TAFA1: variants seen among roughly 807,000 people sequenced by gnomAD.
TAFA1 encodes the protein TAFA chemokine like family member 1.
Under a neutral mutation model 18.5 loss-of-function variants are expected in TAFA1, and 4 were observed. The ratio of observed to expected loss-of-function variants is 0.22; its 90% CI spans 0.11 to 0.49. The LOEUF is 0.49. Among genes scored for constraint, TAFA1 ranks in the 20% least tolerant of loss-of-function variants. The pLI is 0.98. For synonymous variants in TAFA1, 56 were observed against 55.2 expected, an observed-to-expected ratio of 1.01 and a Z score of -0.06; for missense variants, 147 against 169.0, an observed-to-expected ratio of 0.87 and a Z score of 0.72.
intron 2 of TAFA1, among the ~76,000 whole-genome samples, chr3:68,061,801 G>A (rs1419845359): frequency 2.0e-5 from 3 of 152,136 alleles, no homozygotes; most frequent in African/African-American, 7.2e-5. Context: ...TGAGGATGAG[G>A]TCATCTTTCT....
chr3:68,239,802 C>T (rs1193338201), intron 2 of TAFA1, among the ~76,000 whole-genome samples: 2 of 152,138 alleles, frequency 1.3e-5, no homozygotes, highest in South Asian at 2.1e-4. Context: ...TAGTCAGAAC[C>T]ATTTGCAGCC....
chr3:68,255,155 CACAA>C (rs2067273514), intron 2 of TAFA1, among the ~76,000 whole-genome samples: 1 of 152,058 alleles, frequency 6.6e-6, no homozygotes, highest in Non-Finnish European at 1.5e-5. Flanking sequence ...CATCTGCTGA[CACAA>C]ACAATTAGAT....
At chr3:68,084,816 A>G (rs2064951345) in intron 2 of TAFA1, among the ~76,000 whole-genome samples, 2 of 151,858 alleles carry the variant, frequency 1.3e-5, no homozygotes, top group Admixed American at 6.6e-5. Flanking sequence ...AAAAAAACCA[A>G]AAAAACCAAA....
At chr3:68,497,900 A>G (rs2072577017) in intron 3 of TAFA1, among the ~76,000 whole-genome samples, 1 of 152,130 alleles carries the variant, frequency 6.6e-6, no homozygotes, top group South Asian at 2.1e-4. Flanking sequence ...GATAGAGAAA[A>G]ATGCTCAGCA....
chr3:68,381,340 A>G (rs2069949448), intron 2 of TAFA1, among the ~76,000 whole-genome samples: 2 of 150,934 alleles, frequency 1.3e-5, no homozygotes, highest in South Asian at 2.1e-4. Context: ...GATGGCATTG[A>G]ATCTATAAAT....
At chr3:68,438,440 C>G (rs989551630) in intron 3 of TAFA1, among the ~76,000 whole-genome samples, 3 of 152,142 alleles carry the variant, frequency 2.0e-5, no homozygotes, top group Non-Finnish European at 4.4e-5. Flanking sequence ...GTTGGGCCCC[C>G]AAGGCCTTGG....
chr3:68,331,911 T>A (rs2068882719), intron 2 of TAFA1, among the ~76,000 whole-genome samples: 1 of 128,376 alleles, frequency 7.8e-6, no homozygotes. Flanking sequence ...TCGCCCAGGC[T>A]GGAGTGCAGT....
intron 3 of TAFA1, among the ~76,000 whole-genome samples, chr3:68,438,014 A>G (rs2071295663): frequency 6.6e-6 from 1 of 152,116 alleles, no homozygotes; most frequent in Non-Finnish European, 1.5e-5. Context: ...AGAAGAAAGG[A>G]GTAACAGGCC....
intron 2 of TAFA1, among the ~76,000 whole-genome samples, chr3:68,406,645 C>A (rs1404205986): frequency 1.3e-5 from 2 of 152,156 alleles, no homozygotes; most frequent in Non-Finnish European, 2.9e-5. Flanking sequence ...CTACATCAAG[C>A]AAGCAAATTT....
chr3:68,065,700 ATGTGTG>A (rs2064665887), intron 2 of TAFA1, among the ~76,000 whole-genome samples: 3 of 149,262 alleles, frequency 2.0e-5, no homozygotes, highest in African/African-American at 7.4e-5. Context: ...ACATATACAT[ATGTGTG>A]TATACATAGA....
intron 2 of TAFA1, among the ~76,000 whole-genome samples, chr3:68,035,423 A>T (rs1157246170): frequency 1.3e-5 from 2 of 152,202 alleles, no homozygotes; most frequent in Admixed American, 1.3e-4. Flanking sequence ...TTAGTATATC[A>T]TTAATACTAA....
intron 2 of TAFA1, among the ~76,000 whole-genome samples, chr3:68,081,688 G>A (rs535430831): frequency 8.8e-4 from 134 of 152,260 alleles, no homozygotes; most frequent in African/African-American, 2.5e-3. Context: ...CTCCAGCTGC[G>A]TGCTGGGAGA....
At chr3:68,271,082 A>T (rs554520189) in intron 2 of TAFA1, among the ~76,000 whole-genome samples, 105 of 152,262 alleles carry the variant, frequency 6.9e-4, no homozygotes, top group African/African-American at 2.4e-3. Flanking sequence ...CTGATTTGGG[A>T]CATGACAGGA....
intron 2 of TAFA1, among the ~76,000 whole-genome samples, chr3:68,325,990 A>C (rs2068771843): frequency 6.6e-6 from 1 of 152,206 alleles, no homozygotes; most frequent in African/African-American, 2.4e-5. Flanking sequence ...ATTACAGGGC[A>C]GCAGGTGTAA....
intron 3 of TAFA1, among the ~76,000 whole-genome samples, chr3:68,489,971 G>A (rs931288231): frequency 6.6e-6 from 1 of 152,098 alleles, no homozygotes; most frequent in African/African-American, 2.4e-5. Context: ...TTCAGACTTG[G>A]TATTTTGCAA....
intron 2 of TAFA1, among the ~76,000 whole-genome samples, chr3:68,378,011 C>T (rs952594840): frequency 6.6e-6 from 1 of 152,194 alleles, no homozygotes; most frequent in African/African-American, 2.4e-5. Flanking sequence ...GCCTGGATGT[C>T]CAGGCAGAAG....
Position 68,068,534 on chromosome 3 carries a change from G to A in TAFA1, c.118+61790G>A, listed in dbSNP as rs531588687. Among the ~76,000 whole-genome samples, 8 of 152,118 alleles carry A rather than the reference G, an allele frequency of 5.3e-5. No individual in the cohort carries two copies. The East Asian group carries it at 9.7e-4, about 18-fold the overall frequency. Reference sequence around the variant, plus strand: ...TTGGGGTCATATTACTTAAGTAGGCGCCACTATTCTCAGGAATAGAACTGC... The same window carrying A: ...TTGGGGTCATATTACTTAAGTAGGCACCACTATTCTCAGGAATAGAACTGC... On this transcript the variant is annotated intron_variant, in intron 2 of 4. Coordinates refer to ENST00000478136, the MANE Select transcript of TAFA1 (RefSeq NM_213609.4).
At chr3:68,483,330 C>G (rs558563836) in intron 3 of TAFA1, among the ~76,000 whole-genome samples, 22 of 152,316 alleles carry the variant, frequency 1.4e-4, no homozygotes, top group African/African-American at 4.8e-4. Context: ...TTCAACTGTA[C>G]TCTCGTAGCA....
chr3:68,262,318 TA>T (rs776858489), intron 2 of TAFA1, among the ~76,000 whole-genome samples: 11,561 of 66,326 alleles, frequency 0.17, 1,799 homozygotes, highest in East Asian at 0.51. Context: ...TATATATATA[TA>T]TATATATATA....
Sources: allele counts gnomAD v4.1 joint callset (sites outside exome capture counted in the v4.1 genomes callset), GRCh38; gene constraint gnomAD v4.1.1; transcripts MANE v1.5; gene names NCBI Gene and HGNC (gene_info 2026-07-23, HGNC 2026-07-21).